The following MGRN1 variants were observed in gnomAD, a reference collection of about 807,000 sequenced individuals.
MGRN1 encodes E3 ubiquitin-protein ligase MGRN1.
Under a neutral mutation model 69.2 loss-of-function variants are expected in MGRN1, and 29 were observed. The observed-to-expected ratio is 0.42, with a 90% CI of 0.31 to 0.57. The LOEUF (loss-of-function observed/expected upper bound fraction) is 0.57. Ranked by LOEUF, MGRN1 falls within the 20% of genes least tolerant of loss-of-function variation. MGRN1 has a pLI of 0.15. For missense variants in MGRN1, 998 were observed against 796.2 expected (o/e 1.25, Z -3.05); for synonymous variants, 470 against 344.2 (o/e 1.37, Z -4.04).
intron 1 of MGRN1, among the ~76,000 whole-genome samples, chr16:4,646,530 C>T (rs1399163676): frequency 6.6e-6 from 1 of 152,102 alleles, no homozygotes; most frequent in East Asian, 1.9e-4. Flanking sequence ...CTGGGTTTAG[C>T]GGGAGGCCTC....
intron 8 of MGRN1, chr16:4,671,176 G>C (rs1455416582): frequency 1.5e-5 from 9 of 586,338 alleles, no homozygotes; most frequent in South Asian, 1.2e-4. Flanking sequence ...GTAGTGGGGA[G>C]AGCCACCGGC....
intron 10 of MGRN1, 109 bp from the exon 11 acceptor site, chr16:4,677,354 C>T (rs998234192): frequency 2.6e-6 from 2 of 762,776 alleles, no homozygotes; most frequent in Admixed American, 7.0e-5. Context: ...AGCGGGGTCA[C>T]CCCAGGACCC....
At chr16:4,672,192 C>A (rs1365420222) in intron 9 of MGRN1, among the ~76,000 whole-genome samples, 1 of 152,078 alleles carries the variant, frequency 6.6e-6, no homozygotes, top group Admixed American at 6.6e-5. Context: ...GCGTGAACCA[C>A]CGCGCCCAGC....
At chr16:4,661,747 A>C (rs1244332201) in intron 5 of MGRN1, among the ~76,000 whole-genome samples, 1 of 152,158 alleles carries the variant, frequency 6.6e-6, no homozygotes, top group Non-Finnish European at 1.5e-5. Flanking sequence ...TGTCCATCCC[A>C]TGGGACTTGT....
At chr16:4,677,604 G>A (rs1359592355) in intron 11 of MGRN1, 32 bp downstream of exon 11, 6 of 1,584,744 alleles carry the variant, frequency 3.8e-6, no homozygotes, top group Non-Finnish European at 5.1e-6. Context: ...CGGGATGGGC[G>A]GGAGAGGGGC....
chr16:4,673,957 G>C (rs1202734953), intron 10 of MGRN1, among the ~76,000 whole-genome samples: 1 of 152,192 alleles, frequency 6.6e-6, no homozygotes, highest in African/African-American at 2.4e-5. Flanking sequence ...GAAAATTGAT[G>C]AGTGAATGAA....
intron 1 of MGRN1, among the ~76,000 whole-genome samples, chr16:4,626,919 A>G (rs1392252648): frequency 6.6e-6 from 1 of 152,194 alleles, no homozygotes; most frequent in Non-Finnish European, 1.5e-5. Context: ...TCCAGTCCAC[A>G]GGTCCTCTCC....
chr16:4,626,816 G>C (rs893739520), intron 1 of MGRN1, among the ~76,000 whole-genome samples: 1 of 152,182 alleles, frequency 6.6e-6, no homozygotes, highest in Non-Finnish European at 1.5e-5. Flanking sequence ...GAACACTCGC[G>C]TCAGCCACTA....
intron 16 of MGRN1, among the ~76,000 whole-genome samples, chr16:4,685,444 CG>C (rs1417131087): frequency 2.0e-5 from 3 of 152,216 alleles, no homozygotes; most frequent in Non-Finnish European, 4.4e-5. Context: ...GGCCCACAGA[CG>C]GGGGCAGGCA....
chr16:4,671,575 C>T (rs11645313), intron 9 of MGRN1, 116 bp downstream of exon 9: 2 of 860,144 alleles, frequency 2.3e-6, no homozygotes, highest in Non-Finnish European at 1.9e-6. Context: ...CCTAGACCCG[C>T]TAGACAACAT....
At position 4,645,107 on chromosome 16, in the gene MGRN1, A is replaced by G. The variant is rs868504033; in HGVS notation, c.89-5258A>G. Reference sequence around the variant, plus strand: ...TGTTTCTCTGAAGTTATTTATATGTATATATGCGTGTGCATATATATATAG... The same window carrying G: ...TGTTTCTCTGAAGTTATTTATATGTGTATATGCGTGTGCATATATATATAG... On this transcript the variant is annotated intron_variant, in intron 1 of 16. Coordinates refer to ENST00000262370, the MANE Select transcript of MGRN1 (RefSeq NM_015246.4). Among the ~76,000 whole-genome samples the G allele has an allele frequency of 5.2e-5, 7 of 134,754 alleles. No individual in the cohort carries two copies. The East Asian group carries it at 9.3e-4, about 18-fold the overall frequency. The allele number at this position is 134,754 out of a possible 152,430, so 88.4% of individuals were successfully genotyped here.
At chr16:4,683,774 C>G (rs2079243774) in intron 15 of MGRN1, 69 bp from the exon 16 acceptor site, 1 of 1,419,306 alleles carries the variant, frequency 7.0e-7, no homozygotes, top group South Asian at 1.2e-5. Context: ...GAGACGGCCT[C>G]CTGCCCAGAG....
At chr16:4,680,124 T>A in intron 12 of MGRN1, 27 bp downstream of exon 12, 1 of 1,610,522 alleles carries the variant, frequency 6.2e-7, no homozygotes, top group Non-Finnish European at 8.5e-7. Context: ...CCGGCTACGT[T>A]TTTTTGCCCC....
chr16:4,670,216 C>T (rs1399629916), intron 8 of MGRN1, among the ~76,000 whole-genome samples: 1 of 151,930 alleles, frequency 6.6e-6, no homozygotes, highest in Non-Finnish European at 1.5e-5. Context: ...GTGTGCGCCA[C>T]CACAGTTGGT....
At chr16:4,687,964 A>G (rs897191655) in intron 16 of MGRN1, 31 of 985,470 alleles carry the variant, frequency 3.1e-5, no homozygotes, top group Non-Finnish European at 2.4e-5. Flanking sequence ...CGGCCTGCGC[A>G]TCGGTGGAAG....
Position 4,688,943 on chromosome 16 carries a change from C to A in MGRN1, c.*35C>A. On this transcript the variant is annotated 3_prime_UTR_variant, in exon 17 of 17. Coordinates refer to ENST00000262370, the MANE Select transcript of MGRN1 (RefSeq NM_015246.4). ...CGAGCTGGCAGCATGGAGCCCTCGG[C>A]TCCCCAGACTTTGCCGAGGGGCTGC... 1 of 1,515,012 alleles carries A rather than the reference C, an allele frequency of 6.6e-7. No homozygotes were observed. Among genetic ancestry groups the A allele is most frequent in the Non-Finnish European group, 8.9e-7 (1 of 1,123,298 alleles). 93.8% of individuals were successfully genotyped at this position (1,515,012 alleles called of 1,614,324 possible).
intron 2 of MGRN1, 55 bp downstream of exon 2, chr16:4,650,538 C>G (rs2078382568): frequency 7.2e-7 from 1 of 1,386,820 alleles, no homozygotes; most frequent in African/African-American, 1.5e-5. Flanking sequence ...GCCCCTGTCC[C>G]CAGCAGTCCG....
intron 1 of MGRN1, among the ~76,000 whole-genome samples, chr16:4,639,060 C>T (rs2078100353): frequency 6.6e-6 from 1 of 152,186 alleles, no homozygotes; most frequent in Admixed American, 6.5e-5. Flanking sequence ...CACTCAGCCT[C>T]ACCGGGCCAG....
At chr16:4,646,650 CTG>C (rs1427993860) in intron 1 of MGRN1, among the ~76,000 whole-genome samples, 1 of 152,204 alleles carries the variant, frequency 6.6e-6, no homozygotes, top group African/African-American at 2.4e-5. Flanking sequence ...CATGCAGTCT[CTG>C]TGGTCATCAT....
Sources: allele counts gnomAD v4.1 joint callset (sites outside exome capture counted in the v4.1 genomes callset), GRCh38; gene constraint gnomAD v4.1.1; transcripts MANE v1.5; gene names NCBI Gene and HGNC (gene_info 2026-07-23, HGNC 2026-07-21).